Variants in FHIT observed in about 807,000 individuals in gnomAD.
FHIT encodes bis(5'-adenosyl)-triphosphatase.
In FHIT, 19 loss-of-function variants were observed where a neutral mutation model predicts 17.9. The ratio of observed to expected loss-of-function variants is 1.06; its 90% confidence interval spans 0.74 to 1.56. The LOEUF (loss-of-function observed/expected upper bound fraction) is 1.56. FHIT is among the 40% of genes most tolerant of loss of function. The probability of loss-of-function intolerance (pLI) is 0.00; values close to 1 mark genes in which losing one functional copy is unlikely to be tolerated. For synonymous variants in FHIT, 81 were observed against 69.7 expected (o/e 1.16, Z -0.81); for missense variants, 248 against 189.2 (o/e 1.31, Z -1.82).
At chr3:60,911,437 C>T (rs1480161308) in intron 3 of FHIT, among the ~76,000 whole-genome samples, 1 of 151,682 alleles carries the variant, frequency 6.6e-6, no homozygotes, top group East Asian at 1.9e-4. Flanking sequence ...TTTTCATCAT[C>T]ATGTGATTTC....
At chr3:60,981,799 T>C (rs1710509218) in intron 3 of FHIT, among the ~76,000 whole-genome samples, 1 of 150,340 alleles carries the variant, frequency 6.7e-6, no homozygotes, top group Non-Finnish European at 1.5e-5. Flanking sequence ...GATGGGGTCT[T>C]GCCATGTTAC....
chr3:60,181,942 A>C (rs2107443176), intron 5 of FHIT, among the ~76,000 whole-genome samples: 1 of 152,310 alleles, frequency 6.6e-6, no homozygotes, highest in South Asian at 2.1e-4. Flanking sequence ...ATGCTCTGAA[A>C]AACAAATCCG....
intron 3 of FHIT, among the ~76,000 whole-genome samples, chr3:60,945,937 T>C (rs1484345506): frequency 6.6e-6 from 1 of 152,110 alleles, no homozygotes; most frequent in African/African-American, 2.4e-5. Flanking sequence ...GAGGATCCAC[T>C]GCAGTCAGCA....
At chr3:60,707,053 C>T (rs2041391176) in intron 4 of FHIT, among the ~76,000 whole-genome samples, 1 of 152,168 alleles carries the variant, frequency 6.6e-6, no homozygotes, top group African/African-American at 2.4e-5. Flanking sequence ...ACATTTTTGA[C>T]ATTTACTTCA....
intron 4 of FHIT, among the ~76,000 whole-genome samples, chr3:60,679,955 T>C (rs1024260373): frequency 6.6e-6 from 1 of 152,228 alleles, no homozygotes; most frequent in African/African-American, 2.4e-5. Flanking sequence ...ATTCTTTTTT[T>C]GCTTTTCGAA....
chr3:60,392,163 T>C (rs547304785), intron 5 of FHIT, among the ~76,000 whole-genome samples: 139 of 152,296 alleles, frequency 9.1e-4, no homozygotes, highest in African/African-American at 3.2e-3. Flanking sequence ...CTGAGTAGGA[T>C]CTAGTTTGAG....
intron 5 of FHIT, among the ~76,000 whole-genome samples, chr3:60,071,127 A>G (rs2630196): frequency 0.32 from 48,783 of 151,794 alleles, 8,800 homozygotes; most frequent in African/African-American, 0.48. Context: ...GTCCTGCTGT[A>G]TCAATAGAGT....
chr3:61,160,135 G>T (rs370667657), intron 2 of FHIT, among the ~76,000 whole-genome samples: 10 of 152,164 alleles, frequency 6.6e-5, no homozygotes, highest in African/African-American at 2.2e-4. Flanking sequence ...TAATAATTTA[G>T]CTGGAGAATT....
chr3:60,415,205 A>C (rs1201065027), intron 5 of FHIT, among the ~76,000 whole-genome samples: 1 of 152,174 alleles, frequency 6.6e-6, no homozygotes, highest in African/African-American at 2.4e-5. Context: ...TTGAAGTTTT[A>C]CTATGTGCCA....
chr3:60,417,908 C>G (rs956797258), intron 5 of FHIT, among the ~76,000 whole-genome samples: 1 of 152,204 alleles, frequency 6.6e-6, no homozygotes, highest in African/African-American at 2.4e-5. Context: ...CTCAGCCAAA[C>G]ATGGCCGAAA....
At chr3:60,247,721 C>T (rs1705473692) in intron 5 of FHIT, among the ~76,000 whole-genome samples, 1 of 152,096 alleles carries the variant, frequency 6.6e-6, no homozygotes, top group African/African-American at 2.4e-5. Flanking sequence ...CAGCTTGCCA[C>T]TTGCTTGATT....
At chr3:60,564,254 T>C (rs1484739236) in intron 4 of FHIT, among the ~76,000 whole-genome samples, 1 of 152,186 alleles carries the variant, frequency 6.6e-6, no homozygotes, top group African/African-American at 2.4e-5. Context: ...TCTTGAGACC[T>C]ACTGCTCAGG....
At chr3:60,453,892 C>T (rs530717291) in intron 5 of FHIT, among the ~76,000 whole-genome samples, 1 of 152,214 alleles carries the variant, frequency 6.6e-6, no homozygotes, top group Admixed American at 6.5e-5. Flanking sequence ...CCTGGAGTAG[C>T]TCATTCCGAA....
chr3:60,244,893 G>A (rs1705313898), intron 5 of FHIT, among the ~76,000 whole-genome samples: 1 of 151,834 alleles, frequency 6.6e-6, no homozygotes, highest in Admixed American at 6.6e-5. Context: ...AATTATTACT[G>A]TCTGTCAATG....
intron 4 of FHIT, among the ~76,000 whole-genome samples, chr3:60,817,593 G>A (rs1244478033): frequency 6.6e-6 from 1 of 151,664 alleles, no homozygotes; most frequent in Admixed American, 6.6e-5. Flanking sequence ...AAATTCTGAT[G>A]AGACGTCATC....
intron 5 of FHIT, among the ~76,000 whole-genome samples, chr3:60,525,934 C>G (rs1316353266): frequency 6.6e-6 from 1 of 152,006 alleles, no homozygotes; most frequent in Non-Finnish European, 1.5e-5. Context: ...GAAACCTTGT[C>G]TCTACAAAAA....
Position 60,165,493 on chromosome 3 carries a change from T to C in FHIT, c.104-151341A>G, listed in dbSNP as rs551431139. On this transcript the variant is annotated intron_variant, in intron 5 of 9. Coordinates refer to ENST00000492590, the MANE Select transcript of FHIT (RefSeq NM_002012.4). Reference sequence around the variant, plus strand: ...AATGGGGAATCCGTACAGCTCATTGTCATAAGTGATGTTATTTCCAACTTG... The same window carrying C: ...AATGGGGAATCCGTACAGCTCATTGCCATAAGTGATGTTATTTCCAACTTG... 2.6e-5 allele frequency among the ~76,000 whole-genome samples: 4 copies of C among 152,308 alleles called. No individual in the cohort carries two copies. The South Asian group carries it at 8.3e-4, about 32-fold the overall frequency.
chr3:61,008,378 G>C (rs1348935857), intron 3 of FHIT, among the ~76,000 whole-genome samples: 1 of 152,160 alleles, frequency 6.6e-6, no homozygotes, highest in African/African-American at 2.4e-5. Context: ...TCCAGGGAAG[G>C]CTGCAGTTGG....
intron 8 of FHIT, among the ~76,000 whole-genome samples, chr3:59,806,909 G>C (rs2107017660): frequency 6.6e-6 from 1 of 152,156 alleles, no homozygotes; most frequent in African/African-American, 2.4e-5. Flanking sequence ...AAGATCTTCA[G>C]AAAGCCCCTC....
Sources: gnomAD v4.1 joint callset for allele counts (sites outside exome capture counted in the v4.1 genomes callset) on GRCh38, gnomAD v4.1.1 for gene constraint, MANE v1.5 for transcripts, NCBI Gene and HGNC (gene_info 2026-07-23, HGNC 2026-07-21) for gene names.